ANKS1B: variants seen among roughly 807,000 people sequenced by gnomAD.
ANKS1B encodes ankyrin repeat and sterile alpha motif domain containing 1B.
Under a neutral mutation model 148.3 loss-of-function variants are expected in ANKS1B, and 36 were observed. The observed-to-expected ratio is 0.24, with a 90% CI of 0.19 to 0.32. ANKS1B has a LOEUF of 0.32. Among genes scored for constraint, ANKS1B ranks in the 10% least tolerant of loss-of-function variants. ANKS1B has a pLI of 1.00. For missense variants in ANKS1B, 1,157 were observed against 1,542.6 expected, an observed-to-expected ratio of 0.75 and a Z score of 4.19; for synonymous variants, 542 against 560.8, an observed-to-expected ratio of 0.97 and a Z score of 0.47.
In ANKS1B at chr12:99,294,771, G is replaced by A. The variant is rs189352231; in HGVS notation, c.1757-47907C>T. ...CAGGTTCAAGCAATTCTCCTGCTTCGGTCTCCCAAGTAGCTGGGACTACAG... is the reference window on the plus strand; with the variant it reads ...CAGGTTCAAGCAATTCTCCTGCTTCAGTCTCCCAAGTAGCTGGGACTACAG... On this transcript the variant is annotated intron_variant, in intron 12 of 26. Transcript: ENST00000683438. 1.6e-3 allele frequency among the ~76,000 whole-genome samples: 246 copies of A among 151,792 alleles called. 1 individual carries two copies. The highest frequency in any genetic ancestry group is 0.014 in the Middle Eastern group (4 of 292).
At chr12:99,753,672 A>G (rs2153598303) in intron 8 of ANKS1B, among the ~76,000 whole-genome samples, 1 of 152,040 alleles carries the variant, frequency 6.6e-6, no homozygotes, top group Non-Finnish European at 1.5e-5. Context: ...ACAGAGTCAA[A>G]TCTACACATA....
At chr12:98,848,226 T>C (rs1266434307) in intron 17 of ANKS1B, among the ~76,000 whole-genome samples, 4 of 152,214 alleles carry the variant, frequency 2.6e-5, no homozygotes, top group Non-Finnish European at 5.9e-5. Context: ...TAGCAACATA[T>C]GTCATTCACA....
At chr12:99,299,701 G>A (rs763885812) in intron 12 of ANKS1B, among the ~76,000 whole-genome samples, 1 of 152,094 alleles carries the variant, frequency 6.6e-6, no homozygotes, top group African/African-American at 2.4e-5. Context: ...ATAGAAGTTA[G>A]GACATATCTA....
chr12:98,795,677 A>C (rs2098941842), intron 22 of ANKS1B: 1 of 447,772 alleles, frequency 2.2e-6, no homozygotes, highest in Non-Finnish European at 4.5e-6. Flanking sequence ...AAGTGAAAAA[A>C]ACAAAACAAA....
In ANKS1B at chr12:99,455,585, A is replaced by T. The variant is rs369622812; in HGVS notation, c.1439-11776T>A. Among the ~76,000 whole-genome samples the T allele has an allele frequency of 1.9e-3, 294 of 152,264 alleles. 1 individual carries two copies. Among genetic ancestry groups the T allele is most frequent in the African/African-American group, 6.9e-3 (287 of 41,562 alleles). On this transcript the variant is annotated intron_variant, in intron 10 of 26. Transcript: ENST00000683438. Reference sequence around the variant, plus strand: ...GTGCTGTTGGCAGGGCACAGTGGGAATGAGACTGGCCTTTTGGGCTGTGGG... The same window carrying T: ...GTGCTGTTGGCAGGGCACAGTGGGATTGAGACTGGCCTTTTGGGCTGTGGG...
At chr12:99,080,768 A>G (rs1023736991) in intron 16 of ANKS1B, among the ~76,000 whole-genome samples, 3 of 152,248 alleles carry the variant, frequency 2.0e-5, no homozygotes, top group African/African-American at 7.2e-5. Context: ...TTATGTTGAA[A>G]ATAAGTAATC....
chr12:98,975,496 C>T (rs1321810457), intron 17 of ANKS1B, among the ~76,000 whole-genome samples: 10 of 151,952 alleles, frequency 6.6e-5, no homozygotes, highest in African/African-American at 1.5e-4. Flanking sequence ...TGCCAAGACC[C>T]GGTATAAGGG....
chr12:99,461,954 C>T (rs7960797), intron 10 of ANKS1B, among the ~76,000 whole-genome samples: 47,673 of 152,034 alleles, frequency 0.31, 7,551 homozygotes, highest in South Asian at 0.38. Context: ...CCATCTCTAT[C>T]CTTTTATCCA....
At position 99,665,108 on chromosome 12, in the gene ANKS1B, A is replaced by G. The variant is rs904295580; in HGVS notation, c.1129-9898T>C. Among the ~76,000 whole-genome samples the G allele has an allele frequency of 8.5e-5, 13 of 152,318 alleles. No individual in the cohort carries two copies. The South Asian group carries it at 2.5e-3, about 29-fold the overall frequency. ...TTCACATTAAAATCTGTGAGTGCCCATAAGTTTTTGTTTCTCTTGGGTAAA... is the reference window on the plus strand; with the variant it reads ...TTCACATTAAAATCTGTGAGTGCCCGTAAGTTTTTGTTTCTCTTGGGTAAA... On this transcript the variant is annotated intron_variant, in intron 8 of 26. Coordinates refer to ENST00000683438, the MANE Select transcript of ANKS1B (RefSeq NM_001352186.2).
intron 12 of ANKS1B, among the ~76,000 whole-genome samples, chr12:99,375,546 T>C (rs1438447144): frequency 2.0e-5 from 3 of 152,368 alleles, no homozygotes; most frequent in South Asian, 2.1e-4. Context: ...GTAATCATTG[T>C]TAGTAATAGT....
intron 8 of ANKS1B, among the ~76,000 whole-genome samples, chr12:99,731,779 A>T (rs955302002): frequency 6.6e-6 from 1 of 152,214 alleles, no homozygotes; most frequent in African/African-American, 2.4e-5. Flanking sequence ...GACACAAAAA[A>T]CATGAATCAT....
At chr12:99,690,015 G>A (rs998078561) in intron 8 of ANKS1B, among the ~76,000 whole-genome samples, 1 of 152,140 alleles carries the variant, frequency 6.6e-6, no homozygotes, top group African/African-American at 2.4e-5. Flanking sequence ...TTGCTAGGGA[G>A]GCCTCAGGAA....
At chr12:99,170,292 G>A (rs1310690364) in intron 14 of ANKS1B, among the ~76,000 whole-genome samples, 7 of 152,184 alleles carry the variant, frequency 4.6e-5, no homozygotes, top group Non-Finnish European at 1.0e-4. Flanking sequence ...GGACAGTGTG[G>A]AGGTCGGTAG....
At chr12:99,757,434 A>G (rs2061672505) in intron 8 of ANKS1B, among the ~76,000 whole-genome samples, 3 of 152,018 alleles carry the variant, frequency 2.0e-5, no homozygotes, top group African/African-American at 7.2e-5. Context: ...TGTAAAAAAC[A>G]TAACAGACGC....
chr12:99,782,118 A>C, intron 4 of ANKS1B, 21 bp from the exon 5 acceptor site: 1 of 1,566,552 alleles, frequency 6.4e-7, no homozygotes, highest in South Asian at 1.2e-5. Flanking sequence ...AAAAGTAAGA[A>C]AAAAGAAAGC....
chr12:99,085,282 C>T (rs113348889), intron 15 of ANKS1B, among the ~76,000 whole-genome samples: 4 of 151,888 alleles, frequency 2.6e-5, no homozygotes, highest in African/African-American at 7.2e-5. Context: ...GAGATTCATT[C>T]GTGTGACTTA....
chr12:99,588,995 T>C (rs1413835236), intron 9 of ANKS1B, among the ~76,000 whole-genome samples: 1 of 152,228 alleles, frequency 6.6e-6, no homozygotes, highest in Non-Finnish European at 1.5e-5. Flanking sequence ...TTGTTACTCA[T>C]TTTCCCTGGC....
At chr12:99,724,516 G>A (rs530355645) in intron 8 of ANKS1B, among the ~76,000 whole-genome samples, 16 of 152,188 alleles carry the variant, frequency 1.1e-4, no homozygotes, top group African/African-American at 2.6e-4. Flanking sequence ...TAAAAAGACC[G>A]AACCTACAAT....
chr12:99,344,439 T>C (rs1318332398), intron 12 of ANKS1B, among the ~76,000 whole-genome samples: 1 of 152,048 alleles, frequency 6.6e-6, no homozygotes, highest in Non-Finnish European at 1.5e-5. Flanking sequence ...ATATGTAAAT[T>C]ACAGGAATTC....
Sources: gnomAD v4.1 joint callset for allele counts (sites outside exome capture counted in the v4.1 genomes callset) on GRCh38, gnomAD v4.1.1 for gene constraint, MANE v1.5 for transcripts, NCBI Gene and HGNC (gene_info 2026-07-23, HGNC 2026-07-21) for gene names.